GABRG3: variants seen among roughly 807,000 people sequenced by gnomAD.
GABRG3 encodes the protein gamma-aminobutyric acid receptor subunit gamma-3.
GABRG3 carries 25 observed loss-of-function variants against 48.8 expected under a neutral mutation model. That is an observed-to-expected ratio of 0.51 (90% CI 0.37 to 0.72). The LOEUF (loss-of-function observed/expected upper bound fraction) is 0.72, where lower values mean the gene tolerates loss of function less well. Among genes scored for constraint, GABRG3 ranks in the 30% least tolerant of loss-of-function variants. The probability of loss-of-function intolerance (pLI) is 0.00; values close to 1 mark genes in which losing one functional copy is unlikely to be tolerated. For missense variants in GABRG3, 394 were observed against 577.9 expected (o/e 0.68, Z 3.26); for synonymous variants, 227 against 217.6 (o/e 1.04, Z -0.38).
At chr15:27,171,430 T>C (rs1476538992) in intron 3 of GABRG3, among the ~76,000 whole-genome samples, 2 of 151,742 alleles carry the variant, frequency 1.3e-5, no homozygotes, top group Admixed American at 1.3e-4. Flanking sequence ...GTCACTACAT[T>C]GAGTCACTTG....
intron 7 of GABRG3, among the ~76,000 whole-genome samples, chr15:27,526,846 A>G (rs928633508): frequency 4.6e-5 from 7 of 152,132 alleles, no homozygotes; most frequent in African/African-American, 1.4e-4. Context: ...CAAGTAAGGG[A>G]CTGTTTTTGT....
rs1384482221 is a variant in GABRG3 at position 27,308,269 on chromosome 15, C to T, written c.271-18540C>T. Among the ~76,000 whole-genome samples the T allele has an allele frequency of 5.3e-4, 72 of 134,726 alleles. 14 individuals are homozygous for T. Among genetic ancestry groups the T allele is most frequent in the African/African-American group, 2.0e-3 (69 of 34,334 alleles). The allele number at this position is 134,726 out of a possible 152,430, so 88.4% of individuals were successfully genotyped here. A position where few individuals can be genotyped will look rare whatever the true frequency, so the allele number is the denominator to read the frequency against. On this transcript the variant is annotated intron_variant, in intron 3 of 9. Transcript: ENST00000615808. ...ATATAAACATACGTTTATATATAAACATAATATAAACATACGTTTATATAT... is the reference window on the plus strand; with the variant it reads ...ATATAAACATACGTTTATATATAAATATAATATAAACATACGTTTATATAT...
At chr15:27,207,189 TAAAGC>T (rs1888882191) in intron 3 of GABRG3, among the ~76,000 whole-genome samples, 1 of 151,958 alleles carries the variant, frequency 6.6e-6, no homozygotes, top group Admixed American at 6.5e-5. Flanking sequence ...AACCAAGAAA[TAAAGC>T]ACTTAGCACG....
intron 5 of GABRG3, among the ~76,000 whole-genome samples, chr15:27,387,111 G>A (rs1895946123): frequency 6.6e-6 from 1 of 151,988 alleles, no homozygotes; most frequent in Non-Finnish European, 1.5e-5. Flanking sequence ...TATGATCAGA[G>A]CAAGGAAACT....
At chr15:27,219,688 C>A (rs1218682325) in intron 3 of GABRG3, among the ~76,000 whole-genome samples, 1 of 152,224 alleles carries the variant, frequency 6.6e-6, no homozygotes, top group Admixed American at 6.5e-5. Context: ...TGGCTGGCCA[C>A]TGTTGGGTGT....
At chr15:27,007,899 CTTTAG>C (rs1849169747) in intron 2 of GABRG3, among the ~76,000 whole-genome samples, 1 of 152,058 alleles carries the variant, frequency 6.6e-6, no homozygotes, top group Admixed American at 6.6e-5. Context: ...TGCAGAAGCT[CTTTAG>C]TTTAATTAGG....
At chr15:27,427,668 C>T (rs904697910) in intron 5 of GABRG3, among the ~76,000 whole-genome samples, 4 of 152,182 alleles carry the variant, frequency 2.6e-5, no homozygotes, top group Admixed American at 6.5e-5. Context: ...CCTCTATGTT[C>T]AGTTCTCATT....
At chr15:27,038,625 T>C (rs1896220451) in intron 3 of GABRG3, among the ~76,000 whole-genome samples, 1 of 152,198 alleles carries the variant, frequency 6.6e-6, no homozygotes, top group African/African-American at 2.4e-5. Context: ...ACTGTGTCGA[T>C]ATCTTTCCCA....
intron 3 of GABRG3, among the ~76,000 whole-genome samples, chr15:27,290,693 A>G (rs937051767): frequency 6.6e-6 from 1 of 152,168 alleles, no homozygotes; most frequent in Non-Finnish European, 1.5e-5. Flanking sequence ...AAATCTAAGA[A>G]ACTGTCACAA....
chr15:27,145,134 C>A (rs2140392273), intron 3 of GABRG3, among the ~76,000 whole-genome samples: 1 of 91,308 alleles, frequency 1.1e-5, no homozygotes, highest in East Asian at 2.8e-4. Context: ...AAGGAATGAA[C>A]CATATACAGG....
At chr15:27,372,443 A>G (rs1306015484) in intron 5 of GABRG3, among the ~76,000 whole-genome samples, 1 of 152,110 alleles carries the variant, frequency 6.6e-6, no homozygotes, top group African/African-American at 2.4e-5. Flanking sequence ...CCCAGGCTGG[A>G]ATGCAGTGGA....
In GABRG3 at chr15:27,326,850, T is replaced by C; in HGVS notation, c.312T>C (p.Asp104=). 2.5e-6 allele frequency: 4 copies of C among 1,614,056 alleles called. No homozygotes were observed. Among genetic ancestry groups the C allele is most frequent in the Non-Finnish European group, 3.4e-6 (4 of 1,179,900 alleles). ...TATTTTTTGCTCAGACCTGGACAGA[T>C]AGTCGCCTTCGATTCAACAGCACAA... The part of the protein sequence containing the change: ...IDIFFAQTWT[D]SRLRFNSTMK... Residue 104 remains aspartate, a synonymous_variant, in exon 4 of 10, where the codon GAT becomes GAC. Transcript: ENST00000615808.
chr15:27,142,428 C>T (rs148125337), intron 3 of GABRG3, among the ~76,000 whole-genome samples: 32 of 152,184 alleles, frequency 2.1e-4, no homozygotes, highest in African/African-American at 6.7e-4. Context: ...ATGAGGAAGA[C>T]GCAAAAGTGG....
At chr15:27,329,045 T>G (rs1427352860) in intron 5 of GABRG3, among the ~76,000 whole-genome samples, 157 bp downstream of exon 5, 1 of 152,166 alleles carries the variant, frequency 6.6e-6, no homozygotes, top group Non-Finnish European at 1.5e-5. Context: ...GTGTTTTCAC[T>G]CTAGACCTTG....
chr15:27,322,076 A>G (rs1383544288), intron 3 of GABRG3, among the ~76,000 whole-genome samples: 3 of 152,258 alleles, frequency 2.0e-5, no homozygotes, highest in African/African-American at 7.2e-5. Context: ...CTTTATTTTC[A>G]GATAGACATT....
intron 5 of GABRG3, among the ~76,000 whole-genome samples, chr15:27,398,666 G>GCACACATA (rs1555377633): frequency 1.8e-4 from 27 of 147,222 alleles, no homozygotes; most frequent in African/African-American, 6.7e-4. Context: ...ACAAGCGCGC[G>GCACACATA]CACACACACA....
chr15:27,308,138 G>A (rs1320397334), intron 3 of GABRG3, among the ~76,000 whole-genome samples: 2 of 116,724 alleles, frequency 1.7e-5, no homozygotes, highest in Admixed American at 1.7e-4. Flanking sequence ...AAACATATAT[G>A]TTTATACATC....
chr15:27,001,874 G>T (rs925463125), intron 2 of GABRG3, among the ~76,000 whole-genome samples: 5 of 115,960 alleles, frequency 4.3e-5, no homozygotes, highest in African/African-American at 1.6e-4. Context: ...TTGAAGAGAG[G>T]TTCCCATAAC....
At chr15:27,106,957 T>C (rs904365809) in intron 3 of GABRG3, among the ~76,000 whole-genome samples, 2 of 152,064 alleles carry the variant, frequency 1.3e-5, no homozygotes, top group African/African-American at 4.8e-5. Flanking sequence ...CTGGCCTAGA[T>C]AGCTTCACAA....
Sources: gnomAD v4.1 joint callset for allele counts (sites outside exome capture counted in the v4.1 genomes callset) on GRCh38, gnomAD v4.1.1 for gene constraint, MANE v1.5 for transcripts, NCBI Gene and HGNC (gene_info 2026-07-23, HGNC 2026-07-21) for gene names.